The following TTC1 variants were observed in gnomAD, a reference collection of about 807,000 sequenced individuals.
TTC1 encodes the protein tetratricopeptide repeat domain 1.
A neutral mutation model predicts 37.6 loss-of-function variants in TTC1; 31 were observed. The observed-to-expected ratio is 0.82, with a 90% CI of 0.62 to 1.11. The LOEUF (loss-of-function observed/expected upper bound fraction) is 1.11. TTC1 is among the 50% of genes most tolerant of loss of function. TTC1 has a pLI of 0.00. For synonymous variants in TTC1, 127 were observed against 122.4 expected (o/e 1.04, Z -0.25); for missense variants, 351 against 339.0 (o/e 1.04, Z -0.28).
chr5:160,041,777 A>T (rs1757099477), intron 4 of TTC1, among the ~76,000 whole-genome samples: 1 of 152,168 alleles, frequency 6.6e-6, no homozygotes, highest in Admixed American at 6.5e-5. Context: ...ACTGTTTTAT[A>T]CACAGTCTAT....
chr5:160,050,973 T>TG (rs1554097050), intron 6 of TTC1, among the ~76,000 whole-genome samples, 156 bp from the exon 7 acceptor site: 32 of 94,540 alleles, frequency 3.4e-4, no homozygotes, highest in African/African-American at 1.3e-3. Context: ...CATAAATACT[T>TG]GGGGTTTTTT....
intron 5 of TTC1, among the ~76,000 whole-genome samples, chr5:160,044,114 T>C (rs1260713012): frequency 6.6e-6 from 1 of 152,226 alleles, no homozygotes; most frequent in East Asian, 1.9e-4. Context: ...TCACTATTTT[T>C]GTGTTTTCTA....
intron 2 of TTC1, among the ~76,000 whole-genome samples, chr5:160,012,502 A>T (rs1756521010): frequency 6.6e-6 from 1 of 151,788 alleles, no homozygotes; most frequent in African/African-American, 2.4e-5. Context: ...AGCACCTGGG[A>T]CAACAGGCTT....
At chr5:160,024,049 A>G (rs565521943) in intron 2 of TTC1, 65 of 1,219,012 alleles carry the variant, frequency 5.3e-5, no homozygotes, top group African/African-American at 2.1e-4. Flanking sequence ...TGTTCAATCA[A>G]TATACTCTGG....
chr5:160,045,499 C>T (rs1757199654), intron 5 of TTC1, among the ~76,000 whole-genome samples: 14 of 114,690 alleles, frequency 1.2e-4, no homozygotes, highest in Admixed American at 4.5e-4. Flanking sequence ...CACACACACA[C>T]ACACACACAC....
chr5:160,016,636 C>CT (rs201563513), intron 2 of TTC1, among the ~76,000 whole-genome samples: 113 of 150,024 alleles, frequency 7.5e-4, no homozygotes, highest in African/African-American at 2.4e-3. Flanking sequence ...GTAATATTTG[C>CT]TTTTTTTTTC....
At chr5:160,043,413 A>G (rs570303102) in intron 5 of TTC1, among the ~76,000 whole-genome samples, 7 of 152,324 alleles carry the variant, frequency 4.6e-5, no homozygotes, top group Admixed American at 3.9e-4. Flanking sequence ...CCTGGGCAAC[A>G]TGACAAAACC....
chr5:160,054,700 A>G (rs1395339008), intron 7 of TTC1, among the ~76,000 whole-genome samples: 1 of 152,192 alleles, frequency 6.6e-6, no homozygotes, highest in Non-Finnish European at 1.5e-5. Context: ...AATGTACGGT[A>G]TAGCATTTAT....
chr5:160,050,864 G>A (rs891606324), intron 6 of TTC1, among the ~76,000 whole-genome samples: 1 of 151,882 alleles, frequency 6.6e-6, no homozygotes. Flanking sequence ...GAGCTCAAGC[G>A]ATCCTCCCAA....
At chr5:160,056,148 T>C (rs1189768950) in intron 7 of TTC1, among the ~76,000 whole-genome samples, 2 of 152,218 alleles carry the variant, frequency 1.3e-5, no homozygotes, top group African/African-American at 2.4e-5. Flanking sequence ...TTGAAACTTA[T>C]CTACTTCCCT....
intron 4 of TTC1, among the ~76,000 whole-genome samples, chr5:160,040,768 CTTTTAATTTTTTTT>C (rs906818647): frequency 6.6e-6 from 1 of 151,374 alleles, no homozygotes; most frequent in Non-Finnish European, 1.5e-5. Context: ...GTTTGGTTTT[CTTTTAATTTTTTTT>C]TTTTAATTTT....
chr5:160,046,643 T>C (rs926380772), intron 5 of TTC1, among the ~76,000 whole-genome samples: 4 of 152,238 alleles, frequency 2.6e-5, no homozygotes, highest in Non-Finnish European at 4.4e-5. Flanking sequence ...ATACCATAAA[T>C]ATACACAATT....
chr5:160,034,126 CTTTT>C (rs978923159), intron 2 of TTC1, among the ~76,000 whole-genome samples: 2 of 114,560 alleles, frequency 1.7e-5, no homozygotes, highest in Non-Finnish European at 1.9e-5. Flanking sequence ...GACCCTATCT[CTTTT>C]TTTTTTTTTT....
chr5:160,062,823 T>C (rs1190986883), intron 7 of TTC1, among the ~76,000 whole-genome samples: 2 of 152,040 alleles, frequency 1.3e-5, no homozygotes, highest in Non-Finnish European at 2.9e-5. Context: ...TTTTTCCCCC[T>C]TCCTGTCCTC....
chr5:160,035,387 A>G (rs1756984368), intron 3 of TTC1, among the ~76,000 whole-genome samples, 187 bp downstream of exon 3: 1 of 152,252 alleles, frequency 6.6e-6, no homozygotes, highest in Non-Finnish European at 1.5e-5. Flanking sequence ...GATGGTGACC[A>G]GTTACCATTT....
chr5:160,032,757 A>G (rs747424822), intron 2 of TTC1, among the ~76,000 whole-genome samples: 16 of 115,082 alleles, frequency 1.4e-4, no homozygotes, highest in Non-Finnish European at 8.0e-5. Flanking sequence ...CTCTGTCGCC[A>G]GGCTAGAGTG....
rs1471257106 is a variant in TTC1, at chr5:160,010,786, T to C, written c.258T>C (p.Asp86=). 6 of 1,614,062 alleles carry C rather than the reference T, an allele frequency of 3.7e-6. No homozygotes were observed. The highest frequency in any genetic ancestry group is 5.1e-6 in the Non-Finnish European group (6 of 1,180,048). ...AGGTTGAGAACAAATCTAATGAAGA[T>C]GTGAATTCCTCTGAACTAGATGAAG... ...ADKVENKSNE[D]VNSSELDEEY... Residue 86 remains aspartate (D), a synonymous_variant, in exon 2 of 8, where the codon GAT becomes GAC. Transcript: ENST00000231238.
intron 2 of TTC1, among the ~76,000 whole-genome samples, chr5:160,030,580 G>A (rs571003420): frequency 3.9e-5 from 6 of 152,186 alleles, no homozygotes; most frequent in African/African-American, 7.2e-5. Context: ...ATGTTGAGAA[G>A]TTTACAGTTG....
intron 2 of TTC1, among the ~76,000 whole-genome samples, chr5:160,020,008 A>G (rs1756677242): frequency 6.6e-6 from 1 of 151,358 alleles, no homozygotes; most frequent in Non-Finnish European, 1.5e-5. Flanking sequence ...GGTTCACTGC[A>G]ACCTCTGCCT....
Sources: gnomAD v4.1 joint callset for allele counts (sites outside exome capture counted in the v4.1 genomes callset) on GRCh38, gnomAD v4.1.1 for gene constraint, MANE v1.5 for transcripts, NCBI Gene and HGNC (gene_info 2026-07-23, HGNC 2026-07-21) for gene names.